CYTIP: variants seen among roughly 807,000 people sequenced by gnomAD.
CYTIP encodes cytohesin-interacting protein.
Under a neutral mutation model 43.8 loss-of-function variants are expected in CYTIP, and 26 were observed. The ratio of observed to expected loss-of-function variants is 0.59; its 90% CI spans 0.44 to 0.82. The LOEUF is 0.82. Among genes scored for constraint, CYTIP ranks in the 40% least tolerant of loss-of-function variants. The pLI is 0.00. For synonymous variants in CYTIP, 162 were observed against 162.9 expected (o/e 0.99, Z 0.04); for missense variants, 426 against 443.1 (o/e 0.96, Z 0.35).
At chr2:157,425,821 T>C (rs932224797) in intron 6 of CYTIP, among the ~76,000 whole-genome samples, 4 of 151,584 alleles carry the variant, frequency 2.6e-5, no homozygotes, top group African/African-American at 9.8e-5. Flanking sequence ...TGAACCACTG[T>C]TTACCCCTCA....
chr2:157,428,167 A>G (rs1212455050), intron 5 of CYTIP, among the ~76,000 whole-genome samples: 1 of 152,214 alleles, frequency 6.6e-6, no homozygotes, highest in Admixed American at 6.5e-5. Flanking sequence ...CTGTGTGTTC[A>G]AGTTAAAGGC....
intron 6 of CYTIP, among the ~76,000 whole-genome samples, chr2:157,420,342 C>T (rs1282448083): frequency 6.6e-6 from 1 of 151,966 alleles, no homozygotes; most frequent in Non-Finnish European, 1.5e-5. Context: ...ATGGCGAAAC[C>T]CCATCTCTAC....
intron 6 of CYTIP, among the ~76,000 whole-genome samples, chr2:157,420,229 G>A (rs751230910): frequency 1.3e-4 from 20 of 152,058 alleles, no homozygotes; most frequent in Non-Finnish European, 2.5e-4. Flanking sequence ...TTAAGAGGCC[G>A]AGGAGGCTGG....
Position 157,418,568 on chromosome 2 carries a change from C to T in CYTIP, c.568G>A (p.Val190Met). 1 of 1,571,998 alleles carries T rather than the reference C, an allele frequency of 6.4e-7. No homozygotes were observed. The highest frequency in any genetic ancestry group is 8.6e-7 in the Non-Finnish European group (1 of 1,161,008). The change falls in exon 7 of 8, where the codon GTG becomes ATG. Residue 190 changes from valine to methionine, a missense_variant. Transcript: ENST00000264192. ...TGTAACTGCAGAGATCTGTACTCCA[C>T]CCATTTTTGTTTCAAAGTTTGCTGT... ...VLKQTLKQKW[V>M]EYRSLQLQEH... is the part of the protein sequence containing the mutation.
intron 6 of CYTIP, among the ~76,000 whole-genome samples, chr2:157,424,732 C>A (rs1239377615): frequency 6.6e-6 from 1 of 152,106 alleles, no homozygotes; most frequent in Non-Finnish European, 1.5e-5. Context: ...AAAACACCAA[C>A]ATTTATTTAC....
intron 7 of CYTIP, among the ~76,000 whole-genome samples, 197 bp from the exon 8 acceptor site, chr2:157,416,340 T>C (rs1018412694): frequency 1.2e-4 from 18 of 152,234 alleles, no homozygotes; most frequent in Admixed American, 1.1e-3. Context: ...TCCTGAACTA[T>C]TGTTCATAGA....
At chr2:157,441,952 C>T (rs893667486) in intron 1 of CYTIP, among the ~76,000 whole-genome samples, 2 of 152,142 alleles carry the variant, frequency 1.3e-5, no homozygotes, top group Non-Finnish European at 2.9e-5. Context: ...CCGGCTTTTT[C>T]AGGGGAAGTT....
At chr2:157,439,859 A>T (rs574281813) in intron 1 of CYTIP, among the ~76,000 whole-genome samples, 3 of 152,226 alleles carry the variant, frequency 2.0e-5, no homozygotes, top group African/African-American at 7.2e-5. Context: ...TTCAAAATTT[A>T]ATTTCTTCTG....
intron 1 of CYTIP, among the ~76,000 whole-genome samples, chr2:157,441,023 T>A (rs1217631512): frequency 1.3e-5 from 2 of 152,120 alleles, no homozygotes; most frequent in East Asian, 1.9e-4. Context: ...GGTAGTGAGA[T>A]AATATGCACA....
chr2:157,443,780 G>A, intron 1 of CYTIP, 67 bp downstream of exon 1: 1 of 1,506,598 alleles, frequency 6.6e-7, no homozygotes, highest in African/African-American at 1.4e-5. Flanking sequence ...TATGAAGTCA[G>A]ACAAACATAT....
intron 1 of CYTIP, among the ~76,000 whole-genome samples, chr2:157,441,786 GCCTTTCAGTCT>G (rs985051694): frequency 8.5e-5 from 13 of 152,134 alleles, no homozygotes; most frequent in African/African-American, 2.9e-4. Flanking sequence ...TCATATTAAA[GCCTTTCAGTCT>G]CCTTTCTGTT....
At chr2:157,425,374 C>G (rs955164028) in intron 6 of CYTIP, among the ~76,000 whole-genome samples, 3 of 152,090 alleles carry the variant, frequency 2.0e-5, no homozygotes, top group African/African-American at 7.2e-5. Flanking sequence ...CATATCAAAA[C>G]GAACAAGTTG....
At position 157,425,048 on chromosome 2, in the gene CYTIP, C is replaced by T. The variant is rs527875344; in HGVS notation, c.546+2303G>A. On this transcript the variant is annotated intron_variant, in intron 6 of 7. Transcript: ENST00000264192. Reference sequence around the variant, plus strand: ...CTCATAATATATATAAAAATTTATTCTGGATGAATTAAGGACTTAAAGGAA... The same window carrying T: ...CTCATAATATATATAAAAATTTATTTTGGATGAATTAAGGACTTAAAGGAA... 5.0e-4 allele frequency among the ~76,000 whole-genome samples: 76 copies of T among 152,004 alleles called. 1 individual carries two copies. The highest frequency in any genetic ancestry group is 1.8e-3 in the African/African-American group (75 of 41,454).
At chr2:157,434,595 TAGAGAG>T (rs70987792) in intron 2 of CYTIP, 97 bp downstream of exon 2, 52 of 705,882 alleles carry the variant, frequency 7.4e-5, no homozygotes, top group Middle Eastern at 4.0e-4. Flanking sequence ...TGTGTGTGCG[TAGAGAG>T]AGAGAGAGAG....
At chr2:157,422,670 CAAA>C (rs967207257) in intron 6 of CYTIP, among the ~76,000 whole-genome samples, 4 of 64,526 alleles carry the variant, frequency 6.2e-5, no homozygotes, top group East Asian at 4.5e-4. Context: ...AACTCTGTCT[CAAA>C]AAAAAAAAAA....
chr2:157,424,330 G>A (rs1685569559), intron 6 of CYTIP, among the ~76,000 whole-genome samples: 1 of 152,038 alleles, frequency 6.6e-6, no homozygotes. Flanking sequence ...ATTAGTTTTT[G>A]TAAAGAAACG....
chr2:157,416,980 TGAGAGAGA>T (rs377170102), intron 7 of CYTIP, among the ~76,000 whole-genome samples: 2 of 147,176 alleles, frequency 1.4e-5, no homozygotes, highest in African/African-American at 2.5e-5. Context: ...TGTGTGTGTG[TGAGAGAGA>T]GAGAGAGAGA....
Position 157,415,844 on chromosome 2 carries a change from T to C in CYTIP, c.913A>G (p.Ile305Val), listed in dbSNP as rs370334060. 8 of 1,614,108 alleles carry C rather than the reference T, an allele frequency of 5.0e-6. No individual in the cohort carries two copies. The East Asian group carries it at 6.7e-5, about 13-fold the overall frequency. Reference protein sequence around the residue: ...RRSSSRRNRSISNTSSGSMSP... With the variant: ...RRSSSRRNRSVSNTSSGSMSP... ...ATGGATCCGCTGCTGGTGTTACTGA[T>C]GCTCCGGTTCCTCCTTGAAGATGAC... Residue 305 changes from isoleucine to valine, a missense_variant, in exon 8 of 8, where the codon ATC becomes GTC. Transcript: ENST00000264192.
At chr2:157,440,881 T>C (rs1162136631) in intron 1 of CYTIP, among the ~76,000 whole-genome samples, 1 of 152,124 alleles carries the variant, frequency 6.6e-6, no homozygotes, top group Non-Finnish European at 1.5e-5. Context: ...ACATCATTGA[T>C]AGAGACTGTC....
Sources: gnomAD v4.1 joint callset for allele counts (sites outside exome capture counted in the v4.1 genomes callset) on GRCh38, gnomAD v4.1.1 for gene constraint, MANE v1.5 for transcripts, NCBI Gene and HGNC (gene_info 2026-07-23, HGNC 2026-07-21) for gene names.